The following MYO9B variants were observed in gnomAD, a reference collection of about 807,000 sequenced individuals.
MYO9B encodes unconventional myosin-IXb.
A neutral mutation model predicts 229.5 loss-of-function variants in MYO9B; 71 were observed. That is an observed-to-expected ratio of 0.31 (90% CI 0.26 to 0.38). The LOEUF (loss-of-function observed/expected upper bound fraction) is 0.38, where lower values mean the gene tolerates loss of function less well. Among genes scored for constraint, MYO9B ranks in the 10% least tolerant of loss-of-function variants. The pLI is 1.00. For missense variants in MYO9B, 2,255 were observed against 2,920.5 expected (o/e 0.77, Z 5.25); for synonymous variants, 1,185 against 1,235.8 (o/e 0.96, Z 0.86).
intron 4 of MYO9B, 29 bp downstream of exon 4, chr19:17,152,735 G>A: frequency 6.3e-7 from 1 of 1,575,566 alleles, no homozygotes; most frequent in Non-Finnish European, 8.7e-7. Context: ...AGGAATCTCT[G>A]AATGCCACGC....
intron 2 of MYO9B, among the ~76,000 whole-genome samples, chr19:17,122,563 G>C (rs2057975725): frequency 6.6e-6 from 1 of 152,086 alleles, no homozygotes; most frequent in Admixed American, 6.6e-5. Flanking sequence ...ACCTCCTTAA[G>C]TCTACATGGA....
rs562854133 is a variant in MYO9B, at chr19:17,162,335, C to A, written c.1420-15C>A. On this transcript the variant is annotated splice_polypyrimidine_tract_variant and intron_variant, in intron 8 of 39. Coordinates refer to ENST00000682292, the MANE Select transcript of MYO9B (RefSeq NM_004145.4). ...CTGCCGTGCCGGAGGTGAGTCACCC[C>A]CTCTGTGTCCACAGGCCATCACTGC... is the stretch of plus-strand genomic sequence containing the variant. The A allele has an allele frequency of 1.9e-5, 29 of 1,555,898 alleles. No homozygotes were observed. The highest frequency in any genetic ancestry group is 1.1e-4 in the African/African-American group (8 of 73,354).
At chr19:17,186,586 CT>C (rs1259124242) in intron 18 of MYO9B, among the ~76,000 whole-genome samples, 1 of 152,116 alleles carries the variant, frequency 6.6e-6, no homozygotes, top group Non-Finnish European at 1.5e-5. Flanking sequence ...CGTAGTGCAC[CT>C]TCTCTGCTCG....
chr19:17,189,858 T>C (rs1160382722), intron 19 of MYO9B, among the ~76,000 whole-genome samples: 1 of 151,532 alleles, frequency 6.6e-6, no homozygotes, highest in Non-Finnish European at 1.5e-5. Flanking sequence ...GGTCAGGAGA[T>C]CGAGACCATC....
chr19:17,136,605 G>A (rs923704372), intron 2 of MYO9B, among the ~76,000 whole-genome samples: 1 of 150,412 alleles, frequency 6.6e-6, no homozygotes, highest in Non-Finnish European at 1.5e-5. Context: ...AGATGGCATC[G>A]GGTAGGTGGA....
In MYO9B at chr19:17,172,869, G is replaced by A; in HGVS notation, c.2046G>A (p.Val682=). The A allele has an allele frequency of 6.2e-7, 1 of 1,607,346 alleles. No individual in the cohort carries two copies. Among genetic ancestry groups the A allele is most frequent in the South Asian group, 1.1e-5 (1 of 91,076 alleles). The change falls in exon 13 of 40, where the codon GTG becomes GTA. Residue 682 remains valine (V), a synonymous_variant. Transcript: ENST00000682292. This position sits in a 1 kb window ranked among gnomAD's most constrained non-coding sequence, Gnocchi z 8.2. ...TCATCGGCATGGACCCCGTGGCCGT[G>A]TTCCGCTGGGCCGTGCTCCGGGCTG... ...RELIGMDPVA[V]FRWAVLRAAI...
chr19:17,153,687 CCGTAT>C (rs2072505680), intron 4 of MYO9B, among the ~76,000 whole-genome samples: 1 of 146,520 alleles, frequency 6.8e-6, no homozygotes, highest in African/African-American at 2.5e-5. Context: ...CAGAGCAAGA[CCGTAT>C]CTCAAAAAAA....
At chr19:17,184,351 C>T (rs2072893739) in intron 16 of MYO9B, among the ~76,000 whole-genome samples, 1 of 152,210 alleles carries the variant, frequency 6.6e-6, no homozygotes, top group Non-Finnish European at 1.5e-5. Context: ...CATACAAGTG[C>T]AGCAATTTAA....
intron 1 of MYO9B, among the ~76,000 whole-genome samples, chr19:17,078,274 C>T (rs2057504414): frequency 6.6e-6 from 1 of 152,180 alleles, no homozygotes; most frequent in African/African-American, 2.4e-5. Flanking sequence ...AGCTGGGCCG[C>T]GGTGGCTCAG....
intron 3 of MYO9B, among the ~76,000 whole-genome samples, chr19:17,149,857 G>A (rs958655139): frequency 3.3e-5 from 5 of 152,178 alleles, no homozygotes; most frequent in African/African-American, 9.7e-5. Context: ...CATCTGTCAA[G>A]CGACATTTTG....
At chr19:17,156,477 C>T (rs2072539047) in intron 6 of MYO9B, among the ~76,000 whole-genome samples, 2 of 152,100 alleles carry the variant, frequency 1.3e-5, no homozygotes, top group Admixed American at 6.6e-5. Context: ...CCCAGCTATT[C>T]AGGAGGCCAA....
intron 2 of MYO9B, among the ~76,000 whole-genome samples, chr19:17,137,447 T>C (rs1297950518): frequency 6.6e-6 from 1 of 152,092 alleles, no homozygotes; most frequent in Non-Finnish European, 1.5e-5. Context: ...GCTCATGTGG[T>C]GACCCAGTCC....
chr19:17,091,527 T>A (rs1300912822), intron 1 of MYO9B, among the ~76,000 whole-genome samples: 1 of 152,162 alleles, frequency 6.6e-6, no homozygotes, highest in African/African-American at 2.4e-5. Context: ...GCCAACATGG[T>A]GAAACCCCAT....
In MYO9B at chr19:17,193,088, C is replaced by T. The variant is rs377159097; in HGVS notation, c.3128+26C>T. 1.1e-5 allele frequency: 15 copies of T among 1,423,920 alleles called. No homozygotes were observed. Among genetic ancestry groups the T allele is most frequent in the African/African-American group, 1.0e-4 (7 of 69,352 alleles). The allele number at this position is 1,423,920 out of a possible 1,614,324, so 88.2% of individuals were successfully genotyped here. On this transcript the variant is annotated intron_variant, in intron 21 of 39. Coordinates refer to ENST00000682292, the MANE Select transcript of MYO9B (RefSeq NM_004145.4). This position sits in a 1 kb window ranked among gnomAD's most constrained non-coding sequence, Gnocchi z 4.3. Reference sequence around the variant, plus strand: ...GTGAGCAGAGCCGGGCCACGCTCCTCGGAATATTCCAGAAGCCAAAAAGGT... The same window carrying T: ...GTGAGCAGAGCCGGGCCACGCTCCTTGGAATATTCCAGAAGCCAAAAAGGT...
At chr19:17,197,421 T>C (rs2073056198) in intron 22 of MYO9B, among the ~76,000 whole-genome samples, 1 of 117,324 alleles carries the variant, frequency 8.5e-6, no homozygotes, top group African/African-American at 3.5e-5. Context: ...GATAGATAGA[T>C]AGATAGATAG....
intron 19 of MYO9B, among the ~76,000 whole-genome samples, chr19:17,190,439 G>A (rs1436039617): frequency 6.8e-6 from 1 of 146,350 alleles, no homozygotes; most frequent in Non-Finnish European, 1.5e-5. Flanking sequence ...ACCAGCCTTG[G>A]CAACATGGCA....
chr19:17,116,343 C>T (rs1167909275), intron 2 of MYO9B, among the ~76,000 whole-genome samples: 3 of 152,154 alleles, frequency 2.0e-5, no homozygotes, highest in African/African-American at 7.2e-5. Flanking sequence ...AGGGCCTGAC[C>T]AGAGGTGCAT....
intron 34 of MYO9B, 155 bp downstream of exon 34, chr19:17,206,939 G>A (rs1301845210): frequency 1.6e-6 from 2 of 1,242,804 alleles, no homozygotes; most frequent in Admixed American, 2.0e-5. Flanking sequence ...CCAGGCTGCT[G>A]GGCCGCCCGG....
chr19:17,194,631 T>C lies in MYO9B; in HGVS notation c.3204T>C (p.Gly1068=), dbSNP rs1064305. 719,047 of 1,612,312 alleles carry C rather than the reference T, an allele frequency of 0.45. 170,858 individuals carry two copies. Among genetic ancestry groups the C allele is most frequent in the East Asian group, 0.75 (33,701 of 44,858 alleles). The stretch of plus-strand genomic sequence containing the variant: ...AAGCCCTGGAAGCCGCAAGAGCAGG[T>C]GCTGAGGAGGGCGGACAGGGTCAGG... The part of the protein sequence containing the change: ...EREALEAARA[G]AEEGGQGQAA... The change falls in exon 22 of 40, where the codon GGT becomes GGC. Residue 1068 remains glycine, a synonymous_variant. Coordinates refer to ENST00000682292, the MANE Select transcript of MYO9B (RefSeq NM_004145.4).
Sources: gnomAD v4.1 joint callset for allele counts (sites outside exome capture counted in the v4.1 genomes callset) on GRCh38, gnomAD v4.1.1 for gene constraint, Gnocchi (gnomAD v3.1) non-coding constraint, MANE v1.5 for transcripts, NCBI Gene and HGNC (gene_info 2026-07-23, HGNC 2026-07-21) for gene names.